Variants in MAP2K5 observed in about 807,000 individuals in gnomAD.
MAP2K5 encodes mitogen-activated protein kinase kinase 5.
A neutral mutation model predicts 83.1 loss-of-function variants in MAP2K5; 49 were observed. The ratio of observed to expected loss-of-function variants is 0.59; its 90% CI spans 0.47 to 0.75. The LOEUF (loss-of-function observed/expected upper bound fraction) is 0.75, where lower values mean the gene tolerates loss of function less well. MAP2K5 is among the 30% of genes least tolerant of loss of function. The pLI is 0.00. For synonymous variants in MAP2K5, 202 were observed against 191.8 expected, an observed-to-expected ratio of 1.05 and a Z score of -0.44; for missense variants, 457 against 557.5, an observed-to-expected ratio of 0.82 and a Z score of 1.82.
rs552698961 is a variant in MAP2K5, at chr15:67,677,822, G to A, written c.847+13177G>A. ...GAGAAGCTCAGGCCTTTTTGCCCTT[G>A]TTATTAATCTTGTAAGTGTCCCAGG... On this transcript the variant is annotated intron_variant, in intron 13 of 21. Transcript: ENST00000178640. This position sits in a 1 kb window ranked among gnomAD's most constrained non-coding sequence, Gnocchi z 4.2. Among the ~76,000 whole-genome samples, 10 of 152,324 alleles carry A rather than the reference G, an allele frequency of 6.6e-5. No homozygotes were observed. Among genetic ancestry groups the A allele is most frequent in the African/African-American group, 2.4e-4 (10 of 41,574 alleles).
Position 67,802,951 on chromosome 15 carries a change from G to A in MAP2K5, c.1243-3695G>A, listed in dbSNP as rs1205294250. ...GGTTGGCTGTCTGATTGCAGGCACA[G>A]GAGAGCAAGGCGTTTGGAGTCGGAG... On this transcript the variant is annotated intron_variant, in intron 21 of 21. Transcript: ENST00000178640. The surrounding 1 kb of genome is among the most constrained non-coding windows in gnomAD (Gnocchi z 5.0). 6.6e-6 allele frequency among the ~76,000 whole-genome samples: 1 copy of A among 152,228 alleles called. No homozygotes were observed. Among genetic ancestry groups the A allele is most frequent in the African/African-American group, 2.4e-5 (1 of 41,452 alleles).
chr15:67,705,864 C>T (rs1279873545), intron 16 of MAP2K5, among the ~76,000 whole-genome samples: 1 of 152,174 alleles, frequency 6.6e-6, no homozygotes, highest in African/African-American at 2.4e-5. Flanking sequence ...AGATAGAGTA[C>T]ACTCTCAGCG....
chr15:67,796,961 G>C (rs1471460), intron 21 of MAP2K5, among the ~76,000 whole-genome samples: 2 of 151,964 alleles, frequency 1.3e-5, no homozygotes, highest in African/African-American at 2.4e-5. Flanking sequence ...CACACATTGT[G>C]TCTGTTCACA....
rs891017646 is a variant in MAP2K5 at position 67,637,064 on chromosome 15, T to G, written c.585+6137T>G. Among the ~76,000 whole-genome samples the G allele has an allele frequency of 6.6e-6, 1 of 151,920 alleles. No homozygotes were observed. On this transcript the variant is annotated intron_variant, in intron 9 of 21. Transcript: ENST00000178640. The surrounding 1 kb of genome is among the most constrained non-coding windows in gnomAD (Gnocchi z 4.5). ...ACTCCAAGTTCTTCAGCTTTTGGAC[T>G]CTTGGACCTACACCAGTGATTTGCC...
chr15:67,733,509 G>GA (rs1050457445), intron 17 of MAP2K5, among the ~76,000 whole-genome samples: 8 of 150,570 alleles, frequency 5.3e-5, no homozygotes, highest in African/African-American at 1.2e-4. Flanking sequence ...CTTTTATTGG[G>GA]AAAAAAAAAT....
In MAP2K5 at chr15:67,736,944, G is replaced by T. The variant is rs923251861; in HGVS notation, c.1074+8999G>T. On this transcript the variant is annotated intron_variant, in intron 17 of 21. Transcript: ENST00000178640. The surrounding 1 kb of genome is among the most constrained non-coding windows in gnomAD (Gnocchi z 4.3). ...GATCTAGTCCAACTCTTAGATTACAGATGAGGAAATAGGAGTCCACAGCCA... is the reference window on the plus strand; with the variant it reads ...GATCTAGTCCAACTCTTAGATTACATATGAGGAAATAGGAGTCCACAGCCA... 3.3e-5 allele frequency among the ~76,000 whole-genome samples: 5 copies of T among 152,214 alleles called. No homozygotes were observed. The highest frequency in any genetic ancestry group is 1.2e-4 in the African/African-American group (5 of 41,444).
chr15:67,589,783 ATGTG>A (rs10584480), intron 6 of MAP2K5, among the ~76,000 whole-genome samples: 95,196 of 150,120 alleles, frequency 0.63, 31,006 homozygotes, highest in Middle Eastern at 0.78. Context: ...GTGTGTGTGT[ATGTG>A]TGTGTGTGTG....
chr15:67,726,045 TG>T (rs2089087171), intron 16 of MAP2K5, among the ~76,000 whole-genome samples: 1 of 152,342 alleles, frequency 6.6e-6, no homozygotes, highest in Middle Eastern at 3.4e-3. Context: ...GTGATGTTTT[TG>T]TTATGTACAG....
At position 67,709,995 on chromosome 15, in the gene MAP2K5, C is replaced by T. The variant is rs112204342; in HGVS notation, c.1044+6587C>T. On this transcript the variant is annotated intron_variant, in intron 16 of 21. Transcript: ENST00000178640. ...TTAAGGTTGATGGTGAATAATCTGA[C>T]AGACTTTTCTATAGGAGTCAGACTG... Among the ~76,000 whole-genome samples the T allele has an allele frequency of 9.4e-3, 1,437 of 152,224 alleles. 25 individuals carry two copies. Among genetic ancestry groups the T allele is most frequent in the African/African-American group, 0.033 (1,381 of 41,524 alleles).
chr15:67,678,564 G>A (rs2087736013), intron 13 of MAP2K5, among the ~76,000 whole-genome samples: 1 of 152,218 alleles, frequency 6.6e-6, no homozygotes, highest in Non-Finnish European at 1.5e-5. Flanking sequence ...AACAGCACCT[G>A]ATGTGAATAG....
chr15:67,556,403 A>C (rs1461115078), intron 2 of MAP2K5, among the ~76,000 whole-genome samples: 1 of 152,078 alleles, frequency 6.6e-6, no homozygotes. Context: ...ACATTCATTG[A>C]TATTCTTTTT....
intron 12 of MAP2K5, among the ~76,000 whole-genome samples, chr15:67,662,781 T>C (rs1263446342): frequency 6.6e-6 from 1 of 152,122 alleles, no homozygotes; most frequent in African/African-American, 2.4e-5. Context: ...AAAATGCAAA[T>C]CTAATTCAGA....
intron 8 of MAP2K5, chr15:67,629,100 A>G: frequency 1.4e-6 from 1 of 734,998 alleles, no homozygotes; most frequent in Non-Finnish European, 2.5e-6. Flanking sequence ...CGGTTCCAGT[A>G]GCAGCAGTAG....
chr15:67,556,100 C>A (rs2084617864), intron 2 of MAP2K5, among the ~76,000 whole-genome samples: 1 of 152,088 alleles, frequency 6.6e-6, no homozygotes, highest in Admixed American at 6.6e-5. Context: ...ATTTGTATTT[C>A]ATTTCTATAA....
intron 17 of MAP2K5, among the ~76,000 whole-genome samples, chr15:67,729,695 T>C (rs113103371): frequency 0.019 from 2,853 of 150,480 alleles, 106 homozygotes; most frequent in African/African-American, 0.067. Flanking sequence ...ACCCGGGAGG[T>C]GGAGCTTGCA....
chr15:67,678,352 T>A (rs1945743289), intron 13 of MAP2K5, among the ~76,000 whole-genome samples: 1 of 152,130 alleles, frequency 6.6e-6, no homozygotes, highest in Non-Finnish European at 1.5e-5. Flanking sequence ...AATTGCTTTA[T>A]AGGGGGAAAA....
rs543027618 is a variant in MAP2K5 at position 67,718,437 on chromosome 15, G to A, written c.1045-9479G>A. Among the ~76,000 whole-genome samples the A allele has an allele frequency of 9.9e-5, 15 of 152,250 alleles. No individual in the cohort carries two copies. In the East Asian group the frequency reaches 2.5e-3, roughly 25 times the overall value. On this transcript the variant is annotated intron_variant, in intron 16 of 21. Coordinates refer to ENST00000178640, the MANE Select transcript of MAP2K5 (RefSeq NM_145160.3). ...TGTTGAAGTAAACACGTGAGATGGG[G>A]TTTGGGGCAGTTAACTCTAATCATT...
intron 16 of MAP2K5, among the ~76,000 whole-genome samples, chr15:67,712,647 A>G (rs2088719113): frequency 6.6e-6 from 1 of 152,150 alleles, no homozygotes; most frequent in Non-Finnish European, 1.5e-5. Flanking sequence ...GGCCAGGTGC[A>G]GTGGCTCAAG....
At chr15:67,590,330 T>C (rs1459119006) in intron 6 of MAP2K5, among the ~76,000 whole-genome samples, 1 of 152,150 alleles carries the variant, frequency 6.6e-6, no homozygotes. Flanking sequence ...CCAAATGGAA[T>C]ATGTGTATTT....
Sources: gnomAD v4.1 joint callset for allele counts (sites outside exome capture counted in the v4.1 genomes callset) on GRCh38, gnomAD v4.1.1 for gene constraint, Gnocchi (gnomAD v3.1) non-coding constraint, MANE v1.5 for transcripts, NCBI Gene and HGNC (gene_info 2026-07-23, HGNC 2026-07-21) for gene names.